The following IL1RAPL1 variants were observed in gnomAD, a reference collection of about 807,000 sequenced individuals.
The protein encoded by IL1RAPL1 is interleukin-1 receptor accessory protein-like 1.
In IL1RAPL1, 3 loss-of-function variants were observed where a neutral mutation model predicts 48.4. The observed-to-expected ratio is 0.06, with a 90% CI of 0.03 to 0.16. IL1RAPL1 has a LOEUF of 0.16. IL1RAPL1 is among the 10% of genes least tolerant of loss of function. The pLI is 1.00. For synonymous variants in IL1RAPL1, 185 were observed against 187.7 expected, an observed-to-expected ratio of 0.99 and a Z score of 0.12; for missense variants, 349 against 530.6, an observed-to-expected ratio of 0.66 and a Z score of 3.36.
At chrX:29,415,810 C>G (rs1158152833) in intron 5 of IL1RAPL1, among the ~76,000 whole-genome samples, 1 of 112,291 alleles carries the variant, frequency 8.9e-6, no homozygotes, top group East Asian at 2.8e-4. Flanking sequence ...ATAAATAAAA[C>G]CAAGTTGATT....
intron 2 of IL1RAPL1, among the ~76,000 whole-genome samples, chrX:29,089,749 A>AATATATATATATATATATATATATAT (rs1159198583): frequency 4.7e-4 from 8 of 16,976 alleles, no homozygotes; most frequent in African/African-American, 7.5e-4. Context: ...GAGAAATATG[A>AATATATATATATATATATATATATAT]ATATATATAT....
intron 5 of IL1RAPL1, among the ~76,000 whole-genome samples, chrX:29,448,661 G>A (rs777005223): frequency 8.9e-6 from 1 of 112,000 alleles, no homozygotes; most frequent in East Asian, 2.8e-4. Context: ...GAGGGAAATG[G>A]GAATAGCTAG....
chrX:29,730,747 A>G (rs748954557), intron 6 of IL1RAPL1, among the ~76,000 whole-genome samples: 2 of 112,039 alleles, frequency 1.8e-5, no homozygotes, highest in African/African-American at 3.2e-5. Context: ...TTACAAATCT[A>G]TGTGGGAGGG....
intron 6 of IL1RAPL1, among the ~76,000 whole-genome samples, chrX:29,675,590 C>CT (rs1319505843): frequency 2.7e-5 from 3 of 111,233 alleles, no homozygotes; most frequent in Admixed American, 9.5e-5. Context: ...CTTTTTCTTT[C>CT]TTTTTTTTCC....
At chrX:29,469,759 C>T (rs1934902087) in intron 5 of IL1RAPL1, among the ~76,000 whole-genome samples, 1 of 111,738 alleles carries the variant, frequency 8.9e-6, no homozygotes. Context: ...TCTTGGTAAC[C>T]TTGGCTTATT....
intron 2 of IL1RAPL1, among the ~76,000 whole-genome samples, chrX:29,136,124 CTTTTTTTTTTT>C (rs35972652): frequency 1.6e-5 from 1 of 64,176 alleles, no homozygotes; most frequent in Non-Finnish European, 2.9e-5. Flanking sequence ...CATTTGAACT[CTTTTTTTTTTT>C]TTTTTTTTTG....
rs771523990 is a variant in IL1RAPL1 at position 28,685,735 on chromosome X, A to T, written c.-25+97688A>T. Among the ~76,000 whole-genome samples the T allele has an allele frequency of 5.4e-5, 6 of 111,834 alleles. No homozygotes were observed. In the East Asian group the frequency reaches 1.7e-3, roughly 32 times the overall value. Reference sequence around the variant, plus strand: ...TGGTTTGCCCCTTAGATTTCATGAAATGTGGTCATTTAGGTGACTCTAAGC... The same window carrying T: ...TGGTTTGCCCCTTAGATTTCATGAATTGTGGTCATTTAGGTGACTCTAAGC... On this transcript the variant is annotated intron_variant, in intron 1 of 10. Coordinates refer to ENST00000378993, the MANE Select transcript of IL1RAPL1 (RefSeq NM_014271.4).
At chrX:29,658,156 G>A (rs1384343447) in intron 5 of IL1RAPL1, among the ~76,000 whole-genome samples, 4 of 111,040 alleles carry the variant, frequency 3.6e-5, no homozygotes, top group Non-Finnish European at 7.5e-5. Flanking sequence ...ACATCTAGTC[G>A]TACTCTCTTT....
chrX:28,953,027 A>G (rs1288604267), intron 2 of IL1RAPL1, among the ~76,000 whole-genome samples: 1 of 111,397 alleles, frequency 9.0e-6, no homozygotes, highest in Admixed American at 9.6e-5. Context: ...CATTTTCTTT[A>G]TAAATAATTA....
intron 5 of IL1RAPL1, among the ~76,000 whole-genome samples, chrX:29,477,174 CTG>C (rs1934987027): frequency 9.0e-6 from 1 of 111,397 alleles, no homozygotes; most frequent in East Asian, 2.8e-4. Context: ...TTCAGTAAAT[CTG>C]TGACTTGATT....
chrX:29,695,096 T>C lies in IL1RAPL1; in HGVS notation c.778+26592T>C, dbSNP rs188843854. Among the ~76,000 whole-genome samples, 11 of 112,132 alleles carry C rather than the reference T, an allele frequency of 9.8e-5. No homozygotes were observed. In the East Asian group the frequency reaches 2.8e-3, roughly 28 times the overall value. ...TGCCTTGAAATAGAATTAATGAAAT[T>C]TCACCTTTAGGTCTAACTATGACAG... On this transcript the variant is annotated intron_variant, in intron 6 of 10. Coordinates refer to ENST00000378993, the MANE Select transcript of IL1RAPL1 (RefSeq NM_014271.4).
At chrX:29,492,894 A>T (rs1043073874) in intron 5 of IL1RAPL1, among the ~76,000 whole-genome samples, 1 of 111,713 alleles carries the variant, frequency 9.0e-6, no homozygotes, top group Non-Finnish European at 1.9e-5. Context: ...AACATGTGAC[A>T]TTAGTTAGGC....
At position 29,679,484 on chromosome X, in the gene IL1RAPL1, C is replaced by A. The variant is rs372558833; in HGVS notation, c.778+10980C>A. ...TTATGCACTCTGCTTATTGTATAGC[C>A]TATTTATAAGTAGTATGAATATTTC... On this transcript the variant is annotated intron_variant, in intron 6 of 10. Coordinates refer to ENST00000378993, the MANE Select transcript of IL1RAPL1 (RefSeq NM_014271.4). 1.1e-4 allele frequency among the ~76,000 whole-genome samples: 12 copies of A among 111,343 alleles called. No homozygotes were observed. The South Asian group carries it at 4.5e-3, about 42-fold the overall frequency.
chrX:29,782,921 T>TTTTTTTTC (rs1297300281), intron 6 of IL1RAPL1, among the ~76,000 whole-genome samples: 2 of 80,818 alleles, frequency 2.5e-5, no homozygotes, highest in African/African-American at 1.2e-4. Flanking sequence ...TTTTTTTTTT[T>TTTTTTTTC]TGAGACGGAG....
chrX:29,078,564 G>A (rs1012791754), intron 2 of IL1RAPL1, among the ~76,000 whole-genome samples: 1 of 112,141 alleles, frequency 8.9e-6, no homozygotes, highest in Non-Finnish European at 1.9e-5. Context: ...TAGCTATTAC[G>A]TAGGTGGATG....
chrX:29,746,144 G>A (rs914537746), intron 6 of IL1RAPL1, among the ~76,000 whole-genome samples: 1 of 111,428 alleles, frequency 9.0e-6, no homozygotes, highest in Non-Finnish European at 1.9e-5. Context: ...GCATATTTTG[G>A]CACTTGTGGA....
intron 5 of IL1RAPL1, among the ~76,000 whole-genome samples, chrX:29,424,854 G>T (rs764163660): frequency 9.0e-6 from 1 of 111,516 alleles, no homozygotes; most frequent in Non-Finnish European, 1.9e-5. Flanking sequence ...ATGAAGGAAC[G>T]CACTAATAAA....
At chrX:29,214,694 TAAAG>T (rs1214831245) in intron 2 of IL1RAPL1, among the ~76,000 whole-genome samples, 49 of 111,455 alleles carry the variant, frequency 4.4e-4, no homozygotes, top group Non-Finnish European at 5.7e-5. Flanking sequence ...TAAAGGAAGA[TAAAG>T]AGAGAAAATC....
rs763481708 is a variant in IL1RAPL1 at position 29,925,412 on chromosome X, GTTTTTTT to G, written c.1057+5345_1057+5351del. Among the ~76,000 whole-genome samples, 65 of 11,454 alleles carry G rather than the reference GTTTTTTT, an allele frequency of 5.7e-3. 1 individual carries two copies. Among genetic ancestry groups the G allele is most frequent in the African/African-American group, 8.1e-3 (23 of 2,853 alleles). 9.9% of individuals were successfully genotyped at this position (11,454 alleles called of 115,157 possible). A position where few individuals can be genotyped will look rare whatever the true frequency, so the allele number is the denominator to read the frequency against. Reference sequence around the variant, plus strand: ...CAAAATTTTCTTCTGTCCCGTAACTGTTTTTTTTTTTTTTTTTTTTTTTTTTTTTTTT... The same window carrying G: ...CAAAATTTTCTTCTGTCCCGTAACTGTTTTTTTTTTTTTTTTTTTTTTTTT... On this transcript the variant is annotated intron_variant, in intron 8 of 10. Coordinates refer to ENST00000378993, the MANE Select transcript of IL1RAPL1 (RefSeq NM_014271.4).
Sources: gnomAD v4.1 joint callset for allele counts (sites outside exome capture counted in the v4.1 genomes callset) on GRCh38, gnomAD v4.1.1 for gene constraint, MANE v1.5 for transcripts, NCBI Gene and HGNC (gene_info 2026-07-23, HGNC 2026-07-21) for gene names.